Variants in FGR observed in about 807,000 individuals in gnomAD.
FGR encodes FGR proto-oncogene, Src family tyrosine kinase, also known as tyrosine-protein kinase Fgr.
Under a neutral mutation model 63.2 loss-of-function variants are expected in FGR, and 26 were observed. The ratio of observed to expected loss-of-function variants is 0.41; its 90% confidence interval spans 0.30 to 0.57. The LOEUF is 0.57. Ranked by LOEUF, FGR falls within the 20% of genes least tolerant of loss-of-function variation. FGR has a pLI of 0.27. For synonymous variants in FGR, 286 were observed against 277.7 expected (o/e 1.03, Z -0.30); for missense variants, 511 against 690.8 (o/e 0.74, Z 2.92).
intron 4 of FGR, 39 bp downstream of exon 4, chr1:27,623,003 G>T: frequency 6.9e-7 from 1 of 1,452,420 alleles, no homozygotes; most frequent in South Asian, 1.1e-5. Context: ...CCTGCTCCCA[G>T]CCCAGGCAAT....
Position 27,615,663 on chromosome 1 carries a change from C to G in FGR, c.838+26G>C. 1 of 1,592,276 alleles carries G rather than the reference C, an allele frequency of 6.3e-7. No homozygotes were observed. Among genetic ancestry groups the G allele is most frequent in the South Asian group, 1.1e-5 (1 of 90,022 alleles). On this transcript the variant is annotated intron_variant, in intron 8 of 12. Coordinates refer to ENST00000374005, the MANE Select transcript of FGR (RefSeq NM_005248.3). The surrounding 1 kb of genome is among the most constrained non-coding windows in gnomAD (Gnocchi z 7.6). ...ACCCTCTCCCCCGAGCCCAGGCCCT[C>G]GTCCCGGCCCCCGGGAGCTCCGTAC... is the stretch of plus-strand genomic sequence containing the variant.
At position 27,634,772 on chromosome 1, in the gene FGR, T is replaced by C. The variant is rs934868263; in HGVS notation, c.-77+293A>G. ...CACCTCAGCCCCCTTCCTAAACTCT[T>C]ATCAGTCCCCTCCATTTTACCCACT... On this transcript the variant is annotated intron_variant, in intron 1 of 12. Coordinates refer to ENST00000374005, the MANE Select transcript of FGR (RefSeq NM_005248.3). Among the ~76,000 whole-genome samples, 3 of 151,430 alleles carry C rather than the reference T, an allele frequency of 2.0e-5. No homozygotes were observed. In the South Asian group the frequency reaches 6.3e-4, roughly 32 times the overall value.
chr1:27,633,683 G>T (rs2090137451), intron 1 of FGR, among the ~76,000 whole-genome samples: 1 of 152,172 alleles, frequency 6.6e-6, no homozygotes, highest in Non-Finnish European at 1.5e-5. Context: ...GGAGTAGCTG[G>T]GACTACAGCA....
Position 27,616,203 on chromosome 1 carries a change from C to T in FGR, c.683-359G>A, listed in dbSNP as rs139659605. On this transcript the variant is annotated intron_variant, in intron 7 of 12. Transcript: ENST00000374005. The surrounding 1 kb of genome is among the most constrained non-coding windows in gnomAD (Gnocchi z 4.3). ...TGTGGACATGAGGCCCACGGTCTTC[C>T]GTGGACCTCATCCTTGGCATAACCA... Among the ~76,000 whole-genome samples, 53 of 152,302 alleles carry T rather than the reference C, an allele frequency of 3.5e-4. No homozygotes were observed. Among genetic ancestry groups the T allele is most frequent in the Admixed American group, 1.8e-3 (27 of 15,306 alleles).
At chr1:27,628,433 A>T (rs1375954634) in intron 1 of FGR, among the ~76,000 whole-genome samples, 2 of 152,032 alleles carry the variant, frequency 1.3e-5, no homozygotes, top group Admixed American at 6.6e-5. Flanking sequence ...TGCCTATCAC[A>T]GATACAGACA....
At chr1:27,630,337 GCCACTGCAC>G (rs1389380033) in intron 1 of FGR, among the ~76,000 whole-genome samples, 1 of 152,230 alleles carries the variant, frequency 6.6e-6, no homozygotes, top group African/African-American at 2.4e-5. Flanking sequence ...ACAGGCATGA[GCCACTGCAC>G]CCGGCCTTTT....
chr1:27,615,338 C>G lies in FGR; in HGVS notation c.1018+96G>C. 8 of 1,384,022 alleles carry G rather than the reference C, an allele frequency of 5.8e-6. No homozygotes were observed. The highest frequency in any genetic ancestry group is 7.0e-6 in the Non-Finnish European group (7 of 1,003,874). 85.7% of individuals were successfully genotyped at this position (1,384,022 alleles called of 1,614,324 possible). On this transcript the variant is annotated intron_variant, in intron 9 of 12. Transcript: ENST00000374005. The surrounding 1 kb of genome is among the most constrained non-coding windows in gnomAD (Gnocchi z 7.6). ...CCTTAGTGGGACTCTGCCCATTGTC[C>G]CTTGTCCCTCACAGATCGCGTCCCA...
At chr1:27,624,685 G>A (rs1010754605) in intron 2 of FGR, among the ~76,000 whole-genome samples, 1 of 152,090 alleles carries the variant, frequency 6.6e-6, no homozygotes, top group African/African-American at 2.4e-5. Context: ...CCGTGTTTGT[G>A]TGCATGTGTT....
In FGR at chr1:27,613,310, G is replaced by T; in HGVS notation, c.1290C>A (p.Ala430=). The T allele has an allele frequency of 6.2e-7, 1 of 1,614,122 alleles. No individual in the cohort carries two copies. The change falls in exon 12 of 13, where the codon GCC becomes GCA. Residue 430 remains alanine, a synonymous_variant. Transcript: ENST00000374005. ...ACTTGATGGTGAATCTGCCAAAGAG[G>T]GCAGCTTCTGGGGCTGTCCACTTGA... is the stretch of plus-strand genomic sequence containing the variant. ...FPIKWTAPEA[A]LFGRFTIKSD...
At chr1:27,630,440 C>T (rs1357108270) in intron 1 of FGR, among the ~76,000 whole-genome samples, 3 of 152,102 alleles carry the variant, frequency 2.0e-5, no homozygotes, top group Non-Finnish European at 2.9e-5. Context: ...TCTTCCAATG[C>T]GGCCCAGGGA....
At chr1:27,614,639 C>T (rs2089765311) in intron 10 of FGR, 56 bp from the exon 11 acceptor site, 1 of 1,593,370 alleles carries the variant, frequency 6.3e-7, no homozygotes, top group Non-Finnish European at 8.6e-7. Context: ...AACACCGTGG[C>T]CTGTTTGAGG....
At position 27,616,718 on chromosome 1, in the gene FGR, T is replaced by C; in HGVS notation, c.682+139A>G. Reference sequence around the variant, plus strand: ...AAGCTCACAGAGCTGGATCCTGGGCTGGCAGACCCCATCCTTGGGTTCTGG... The same window carrying C: ...AAGCTCACAGAGCTGGATCCTGGGCCGGCAGACCCCATCCTTGGGTTCTGG... On this transcript the variant is annotated intron_variant, in intron 7 of 12. Transcript: ENST00000374005. This position sits in a 1 kb window ranked among gnomAD's most constrained non-coding sequence, Gnocchi z 4.3. 1.2e-6 allele frequency: 1 copy of C among 859,086 alleles called. No homozygotes were observed. Among genetic ancestry groups the C allele is most frequent in the South Asian group, 1.6e-5 (1 of 62,902 alleles). 53.2% of individuals were successfully genotyped at this position (859,086 alleles called of 1,614,324 possible).
rs772910345 is a variant in FGR at position 27,615,498 on chromosome 1, C to G, written c.954G>C (p.Leu318=). 6.2e-7 allele frequency: 1 copy of G among 1,613,758 alleles called. No individual in the cohort carries two copies. The highest frequency in any genetic ancestry group is 1.1e-5 in the South Asian group (1 of 91,080). Residue 318 remains leucine (L), a synonymous_variant, in exon 9 of 13, where the codon CTG becomes CTC. Coordinates refer to ENST00000374005, the MANE Select transcript of FGR (RefSeq NM_005248.3). This position sits in a 1 kb window ranked among gnomAD's most constrained non-coding sequence, Gnocchi z 7.6. ...CCGACACCACGGCGTACAGCTGCAC[C>G]AGCTTGTCGTGCCGCAGCAGCTTCA... ...QVMKLLRHDK[L]VQLYAVVSEE... is the part of the protein sequence containing the mutation.
rs192020896 is a variant in FGR, at chr1:27,616,412, T to C, written c.682+445A>G. Among the ~76,000 whole-genome samples, 11 of 152,320 alleles carry C rather than the reference T, an allele frequency of 7.2e-5. No individual in the cohort carries two copies. In the East Asian group the frequency reaches 1.7e-3, roughly 24 times the overall value. On this transcript the variant is annotated intron_variant, in intron 7 of 12. Transcript: ENST00000374005. This position sits in a 1 kb window ranked among gnomAD's most constrained non-coding sequence, Gnocchi z 4.3. The stretch of plus-strand genomic sequence containing the variant: ...CACCTGGACAACAGCCACTGCCTTC[T>C]AATGGACCCCTCACTCTGCCTTGGC...
At chr1:27,618,339 G>A (rs955136205) in intron 5 of FGR, among the ~76,000 whole-genome samples, 1 of 152,130 alleles carries the variant, frequency 6.6e-6, no homozygotes, top group South Asian at 2.1e-4. Flanking sequence ...TCGTGTTAGG[G>A]TCTGCCTTAA....
chr1:27,626,398 C>G lies in FGR; in HGVS notation c.-76-1247G>C, dbSNP rs867216969. 1.6e-4 allele frequency: 63 copies of G among 393,682 alleles called. No homozygotes were observed. The Middle Eastern group carries it at 1.9e-3, about 12-fold the overall frequency. The allele number at this position is 393,682 out of a possible 1,614,324, so 24.4% of individuals were successfully genotyped here. ...CTCTCTCGATCCCCAGTCCAGTCAT[C>G]CTTACAGATATTCTCTTCCTCTTCT... is the stretch of plus-strand genomic sequence containing the variant. On this transcript the variant is annotated intron_variant, in intron 1 of 12. Transcript: ENST00000374005.
chr1:27,632,375 T>G (rs1344720453), intron 1 of FGR, among the ~76,000 whole-genome samples: 1 of 152,078 alleles, frequency 6.6e-6, no homozygotes, highest in Non-Finnish European at 1.5e-5. Flanking sequence ...TGACCTCAGG[T>G]GATCCACCCA....
In FGR at chr1:27,618,267, G is replaced by C. The variant is rs138446991; in HGVS notation, c.429-971C>G. On this transcript the variant is annotated intron_variant, in intron 5 of 12. Coordinates refer to ENST00000374005, the MANE Select transcript of FGR (RefSeq NM_005248.3). Reference sequence around the variant, plus strand: ...GTCAAGTTTTTTCAAAGCCCTCCCCGCTCCCACACGCATGACATTAGCTAC... The same window carrying C: ...GTCAAGTTTTTTCAAAGCCCTCCCCCCTCCCACACGCATGACATTAGCTAC... Among the ~76,000 whole-genome samples, 291 of 152,132 alleles carry C rather than the reference G, an allele frequency of 1.9e-3. 1 individual carries two copies. The highest frequency in any genetic ancestry group is 6.7e-3 in the African/African-American group (278 of 41,476).
At chr1:27,626,396 A>G (rs1380756963) in intron 1 of FGR, 1 of 393,616 alleles carries the variant, frequency 2.5e-6, no homozygotes, top group Non-Finnish European at 4.5e-6. Context: ...CAGTCCAGTC[A>G]TCCTTACAGA....
Sources: gnomAD v4.1 joint callset for allele counts (sites outside exome capture counted in the v4.1 genomes callset) on GRCh38, gnomAD v4.1.1 for gene constraint, Gnocchi (gnomAD v3.1) non-coding constraint, MANE v1.5 for transcripts, NCBI Gene and HGNC (gene_info 2026-07-23, HGNC 2026-07-21) for gene names.